Variants in DSP observed in about 807,000 individuals in gnomAD.
The protein encoded by DSP is desmoplakin, also known as 250/210 kDa paraneoplastic pemphigus antigen.
DSP carries 114 observed loss-of-function variants against 290.6 expected under a neutral mutation model. That is an observed-to-expected ratio of 0.39 (90% CI 0.34 to 0.46). The LOEUF (loss-of-function observed/expected upper bound fraction) is 0.46. Among genes scored for constraint, DSP ranks in the 20% least tolerant of loss-of-function variants. The pLI is 0.99. For synonymous variants in DSP, 1,311 were observed against 1,316.4 expected, an observed-to-expected ratio of 1.00 and a Z score of 0.09; for missense variants, 3,230 against 3,495.8, an observed-to-expected ratio of 0.92 and a Z score of 1.92.
Position 7,541,924 on chromosome 6 carries a change from C to G in DSP, c.9C>G (p.Cys3Trp), listed in dbSNP as rs769032973. 2 of 1,608,808 alleles carry G rather than the reference C, an allele frequency of 1.2e-6. No homozygotes were observed. The highest frequency in any genetic ancestry group is 1.7e-6 in the Non-Finnish European group (2 of 1,178,586). The change falls in exon 1 of 24, where the codon TGC (cysteine) becomes TGG (tryptophan). Residue 3 changes from cysteine to tryptophan, a missense_variant. Coordinates refer to ENST00000379802, the MANE Select transcript of DSP (RefSeq NM_004415.4). Reference protein sequence around the residue: MSCNGGSHPRINT... With the variant: MSWNGGSHPRINT... ...CCCGATTGCCCGCCGACATGAGCTG[C>G]AACGGAGGCTCCCACCCGCGGATCA...
chr6:7,543,228 A>G (rs1461030572), intron 1 of DSP, among the ~76,000 whole-genome samples: 2 of 151,520 alleles, frequency 1.3e-5, no homozygotes, highest in Non-Finnish European at 2.9e-5. Context: ...CCGGGACGTT[A>G]TTTACCAGGC....
At position 7,565,251 on chromosome 6, in the gene DSP, CGT is replaced by C; in HGVS notation, c.778-104_778-103del. ...GCACAAGGTTAACATTTTTCCTATCCGTGTGATTTTTTTTTTAAAGGGACCAC... is the reference window on the plus strand; with the variant it reads ...GCACAAGGTTAACATTTTTCCTATCCGTGATTTTTTTTTTAAAGGGACCAC... On this transcript the variant is annotated intron_variant, in intron 6 of 23. Coordinates refer to ENST00000379802, the MANE Select transcript of DSP (RefSeq NM_004415.4). This position sits in a 1 kb window ranked among gnomAD's most constrained non-coding sequence, Gnocchi z 4.2. 1 of 1,353,936 alleles carries C rather than the reference CGT, an allele frequency of 7.4e-7. No homozygotes were observed. Among genetic ancestry groups the C allele is most frequent in the Non-Finnish European group, 1.0e-6 (1 of 974,422 alleles). 83.9% of individuals were successfully genotyped at this position (1,353,936 alleles called of 1,614,324 possible).
At position 7,585,845 on chromosome 6, in the gene DSP, C is replaced by T. The variant is rs553535041; in HGVS notation, c.8583C>T (p.Ser2861=). The T allele has an allele frequency of 6.2e-7, 1 of 1,614,054 alleles. No individual in the cohort carries two copies. The highest frequency in any genetic ancestry group is 1.1e-5 in the South Asian group (1 of 91,036). The part of the protein sequence containing the change: ...DATGNSSYSY[S]YSFSSSSIGH The stretch of plus-strand genomic sequence containing the variant: ...CAGGGAATTCTTCCTACTCTTATTC[C>T]TACTCATTTAGCAGTAGTTCTATTG... Residue 2861 remains serine (S), a synonymous_variant, in exon 24 of 24, where the codon TCC becomes TCT. Coordinates refer to ENST00000379802, the MANE Select transcript of DSP (RefSeq NM_004415.4).
Position 7,559,400 on chromosome 6 carries a change from G to GGTAA in DSP, c.597+2_597+5dup, listed in dbSNP as rs765558005. 24 of 1,612,266 alleles carry GGTAA rather than the reference G, an allele frequency of 1.5e-5. No individual in the cohort carries two copies. Among genetic ancestry groups the GGTAA allele is most frequent in the Middle Eastern group, 2.1e-4 (1 of 4,660 alleles). On this transcript the variant is annotated frameshift_variant and splice_region_variant. Transcript: ENST00000379802. LOFTEE classifies it high-confidence loss of function. The stretch of plus-strand genomic sequence containing the variant: ...GTTTGGGGTGGATGAGGCAGCAAAG[G>GGTAA]GTAAGCAGCTTCTTGAACAGCCCAA...
At chr6:7,574,527 C>A in intron 16 of DSP, 130 bp from the exon 17 acceptor site, 2 of 1,394,114 alleles carry the variant, frequency 1.4e-6, no homozygotes, top group African/African-American at 1.4e-5. Flanking sequence ...TCACAATAGA[C>A]CAAAAAACAG....
chr6:7,574,356 A>G, intron 16 of DSP, 104 bp downstream of exon 16: 1 of 1,200,672 alleles, frequency 8.3e-7, no homozygotes, highest in South Asian at 1.3e-5. Context: ...CTGTTACTAG[A>G]GATTTACTTA....
At chr6:7,576,046 A>T (rs1759230811) in intron 18 of DSP, among the ~76,000 whole-genome samples, 1 of 151,898 alleles carries the variant, frequency 6.6e-6, no homozygotes, top group East Asian at 1.9e-4. Context: ...ATGTGTTTTT[A>T]TGATTGAATA....
chr6:7,576,183 G>A, intron 18 of DSP, 111 bp from the exon 19 acceptor site: 1 of 1,227,198 alleles, frequency 8.1e-7, no homozygotes, highest in East Asian at 2.5e-5. Flanking sequence ...TTTTATGTGG[G>A]AATATGATCA....
rs74623709 is a variant in DSP, at chr6:7,556,000, G to T, written c.273+180G>T. Among the ~76,000 whole-genome samples the T allele has an allele frequency of 0.02, 3,091 of 152,298 alleles. 96 individuals are homozygous for T. The highest frequency in any genetic ancestry group is 0.07 in the African/African-American group (2,914 of 41,546). On this transcript the variant is annotated intron_variant, in intron 2 of 23. Transcript: ENST00000379802. Reference sequence around the variant, plus strand: ...TCTTCTTAACCTATTTGTAATGTTGGTTTAACAATGAGAACCAGCTTTCAG... The same window carrying T: ...TCTTCTTAACCTATTTGTAATGTTGTTTTAACAATGAGAACCAGCTTTCAG...
chr6:7,570,850 ATGCTCCTT>A (rs1759023844), intron 13 of DSP, among the ~76,000 whole-genome samples: 1 of 152,248 alleles, frequency 6.6e-6, no homozygotes, highest in African/African-American at 2.4e-5. Flanking sequence ...TCTGGACCCT[ATGCTCCTT>A]TGATGTAATG....
At chr6:7,542,194 T>A (rs1449894146) in intron 1 of DSP, 109 bp downstream of exon 1, 3 of 1,444,674 alleles carry the variant, frequency 2.1e-6, no homozygotes, top group Non-Finnish European at 2.8e-6. Context: ...AAGGTTTTTT[T>A]GCCCCAGGTC....
intron 8 of DSP, 86 bp downstream of exon 8, chr6:7,566,567 A>G (rs1330059140): frequency 9.0e-7 from 1 of 1,107,340 alleles, no homozygotes; most frequent in Non-Finnish European, 1.3e-6. Context: ...TTCTTATATG[A>G]CTTAAAGCCG....
intron 6 of DSP, among the ~76,000 whole-genome samples, chr6:7,564,167 T>C (rs1169399106): frequency 1.3e-5 from 2 of 152,258 alleles, no homozygotes; most frequent in Non-Finnish European, 2.9e-5. Context: ...AAATGGCACT[T>C]GTTAAGTACT....
Position 7,579,317 on chromosome 6 carries a change from C to A in DSP, c.3127C>A (p.Leu1043Met). 6.2e-7 allele frequency: 1 copy of A among 1,614,206 alleles called. No homozygotes were observed. Among genetic ancestry groups the A allele is most frequent in the Non-Finnish European group, 8.5e-7 (1 of 1,180,036 alleles). ...KIEVLEEELR[L>M]ARDANSENCN... ...CGAAGTTTTGGAAGAGGAGCTCAGACTGGCCCGAGATGCCAACTCGGAAAA... is the reference window on the plus strand; with the variant it reads ...CGAAGTTTTGGAAGAGGAGCTCAGAATGGCCCGAGATGCCAACTCGGAAAA... The change falls in exon 23 of 24, where the codon CTG (leucine) becomes ATG (methionine). Residue 1043 changes from leucine (L) to methionine (M), a missense_variant. Around this residue, in one of 5 missense-constraint regions of DSP, gnomAD observed 1,714 missense variants for 1,844.5 expected, o/e 0.93. Transcript: ENST00000379802. This position sits in a 1 kb window ranked among gnomAD's most constrained non-coding sequence, Gnocchi z 4.1.
chr6:7,565,490 C>G lies in DSP; in HGVS notation c.909C>G (p.Thr303=). The part of the protein sequence containing the change: ...ELLYDWSDKN[T]NIAQKQEAFS... ...TGTACGACTGGAGCGACAAGAACAC[C>G]AACATCGCTCAGAAACAGGAGGCCT... The change falls in exon 7 of 24, where the codon ACC becomes ACG. Residue 303 remains threonine (T), a synonymous_variant. Coordinates refer to ENST00000379802, the MANE Select transcript of DSP (RefSeq NM_004415.4). The surrounding 1 kb of genome is among the most constrained non-coding windows in gnomAD (Gnocchi z 4.2). 6.2e-7 allele frequency: 1 copy of G among 1,613,964 alleles called. No individual in the cohort carries two copies. The highest frequency in any genetic ancestry group is 1.1e-5 in the South Asian group (1 of 91,060).
In DSP at chr6:7,582,439, T is replaced by C. The variant is rs1250564558; in HGVS notation, c.5380-203T>C. 6.6e-6 allele frequency among the ~76,000 whole-genome samples: 1 copy of C among 151,876 alleles called. No homozygotes were observed. Among genetic ancestry groups the C allele is most frequent in the Non-Finnish European group, 1.5e-5 (1 of 67,976 alleles). On this transcript the variant is annotated intron_variant, in intron 23 of 23. Coordinates refer to ENST00000379802, the MANE Select transcript of DSP (RefSeq NM_004415.4). The surrounding 1 kb of genome is among the most constrained non-coding windows in gnomAD (Gnocchi z 4.2). ...AAAATAGTAAGTATGAAGCCATTTA[T>C]TGAAGTGGCAACATATACAGAATTT... is the stretch of plus-strand genomic sequence containing the variant.
At position 7,583,173 on chromosome 6, in the gene DSP, C is replaced by T. The variant is rs35539219; in HGVS notation, c.5911C>T (p.Leu1971=). The change falls in exon 24 of 24, where the codon CTG becomes TTG. Residue 1971 remains leucine (L), a synonymous_variant. Transcript: ENST00000379802. The surrounding 1 kb of genome is among the most constrained non-coding windows in gnomAD (Gnocchi z 4.0). The part of the protein sequence containing the change: ...VDTSKLVFDG[L]RKKVTAMQLY... ...CACCTCCAAGCTGGTGTTTGATGGG[C>T]TGAGGAAGAAGGTGACAGCAATGCA... is the stretch of plus-strand genomic sequence containing the variant. The T allele has an allele frequency of 1.2e-6, 2 of 1,613,974 alleles. No homozygotes were observed. The highest frequency in any genetic ancestry group is 1.7e-6 in the Non-Finnish European group (2 of 1,179,996).
rs140348839 is a variant in DSP at position 7,563,815 on chromosome 6, G to A, written c.777+29G>A. On this transcript the variant is annotated intron_variant, in intron 6 of 23. Transcript: ENST00000379802. ...AGCTGATTTATTTCTCAAGTGCATCGACTTTCTGTTGTTTCCAATTCAATT... is the reference window on the plus strand; with the variant it reads ...AGCTGATTTATTTCTCAAGTGCATCAACTTTCTGTTGTTTCCAATTCAATT... 3.4e-4 allele frequency: 542 copies of A among 1,603,722 alleles called. 5 individuals are homozygous for A. The African/African-American group carries it at 5.7e-3, about 17-fold the overall frequency.
chr6:7,567,998 T>G, intron 10 of DSP, 92 bp downstream of exon 10: 1 of 1,561,496 alleles, frequency 6.4e-7, no homozygotes, highest in Non-Finnish European at 8.7e-7. Context: ...TTAGTATTAT[T>G]GTACAATGCA....
Sources: gnomAD v4.1 joint callset for allele counts (sites outside exome capture counted in the v4.1 genomes callset) on GRCh38, gnomAD v4.1.1 for gene constraint, gnomAD v4.1.1 regional missense constraint, Gnocchi (gnomAD v3.1) non-coding constraint, MANE v1.5 for transcripts, NCBI Gene and HGNC (gene_info 2026-07-23, HGNC 2026-07-21) for gene names.